Variants in TEX14 observed in about 807,000 individuals in gnomAD.
TEX14 encodes the protein testis expressed 14, intercellular bridge forming factor.
A neutral mutation model predicts 178.6 loss-of-function variants in TEX14; 168 were observed. The observed-to-expected ratio is 0.94, with a 90% CI of 0.83 to 1.07. TEX14 has a LOEUF of 1.07. TEX14 is among the 50% of genes least tolerant of loss of function. The pLI is 0.00. For missense variants in TEX14, 1,730 were observed against 1,753.6 expected (o/e 0.99, Z 0.24); for synonymous variants, 626 against 634.1 (o/e 0.99, Z 0.19).
intron 10 of TEX14, among the ~76,000 whole-genome samples, chr17:58,607,073 T>G (rs2045627203): frequency 6.6e-6 from 1 of 150,904 alleles, no homozygotes; most frequent in Admixed American, 6.6e-5. Context: ...GCTGTATCAC[T>G]TTTATACCAA....
chr17:58,661,605 G>A (rs1049207239), intron 1 of TEX14: 4 of 710,684 alleles, frequency 5.6e-6, no homozygotes, highest in African/African-American at 1.8e-5. Context: ...GCCATCTTGG[G>A]AAGGCTGATG....
chr17:58,628,904 C>A (rs924433086), intron 3 of TEX14, among the ~76,000 whole-genome samples: 1 of 150,780 alleles, frequency 6.6e-6, no homozygotes, highest in Non-Finnish European at 1.5e-5. Context: ...AAAAAAAGTA[C>A]AAAAGCTTCC....
chr17:58,615,238 T>C lies in TEX14; in HGVS notation c.875A>G (p.His292Arg). Residue 292 changes from histidine (H) to arginine (R), a missense_variant, in exon 8 of 32, where the codon CAC (histidine) becomes CGC (arginine). Transcript: ENST00000349033. ...LADLLIAEQE[H>R]SSKLRHPYLL... ...CCTTGGGCTTCCTTCTCACCTGCTG[T>C]GTTCCTGCTCGGCAATTAACAAGTC... 6.2e-7 allele frequency: 1 copy of C among 1,608,698 alleles called. No homozygotes were observed. The highest frequency in any genetic ancestry group is 1.1e-5 in the South Asian group (1 of 90,944).
At chr17:58,670,783 A>C (rs1215901603) in intron 1 of TEX14, among the ~76,000 whole-genome samples, 8 of 150,524 alleles carry the variant, frequency 5.3e-5, no homozygotes, top group Non-Finnish European at 1.0e-4. Context: ...AAAAAAAAAA[A>C]AAAAAAAAAA....
At chr17:58,682,720 C>G (rs2143567704) in intron 1 of TEX14, among the ~76,000 whole-genome samples, 1 of 152,340 alleles carries the variant, frequency 6.6e-6, no homozygotes, top group Admixed American at 6.5e-5. Context: ...TCACAAGTCC[C>G]AGTTTCAATG....
At chr17:58,670,729 C>T (rs1203218530) in intron 1 of TEX14, among the ~76,000 whole-genome samples, 4 of 129,134 alleles carry the variant, frequency 3.1e-5, no homozygotes, top group South Asian at 2.6e-4. Flanking sequence ...GTCAAGATTG[C>T]GCCACTACAC....
At chr17:58,615,372 A>C (rs2045849701) in intron 7 of TEX14, 27 bp from the exon 8 acceptor site, 10 of 1,415,726 alleles carry the variant, frequency 7.1e-6, no homozygotes, top group Non-Finnish European at 9.0e-6. Flanking sequence ...GAGTTTCAGC[A>C]GAAAGGAGTG....
chr17:58,644,692 G>C (rs1333874145), intron 2 of TEX14, among the ~76,000 whole-genome samples: 1 of 130,946 alleles, frequency 7.6e-6, no homozygotes, highest in Admixed American at 8.6e-5. Flanking sequence ...TTTTGCCCAG[G>C]CTAGAGTGGC....
chr17:58,674,568 G>A (rs562552926), intron 1 of TEX14, among the ~76,000 whole-genome samples: 14 of 151,540 alleles, frequency 9.2e-5, no homozygotes, highest in Admixed American at 2.6e-4. Flanking sequence ...TACTCGAGAC[G>A]GAGAGGCACA....
intron 2 of TEX14, among the ~76,000 whole-genome samples, chr17:58,647,535 GA>G (rs955041662): frequency 2.2e-5 from 3 of 136,280 alleles, no homozygotes; most frequent in Non-Finnish European, 4.7e-5. Flanking sequence ...CCGTCTCAAA[GA>G]AAAAAAAGTG....
chr17:58,652,726 A>C (rs2046865647), intron 1 of TEX14, among the ~76,000 whole-genome samples: 1 of 152,206 alleles, frequency 6.6e-6, no homozygotes, highest in African/African-American at 2.4e-5. Flanking sequence ...GATAACTTGG[A>C]GAGTATTGAC....
chr17:58,590,049 T>A (rs2144428982), intron 15 of TEX14, among the ~76,000 whole-genome samples: 1 of 151,768 alleles, frequency 6.6e-6, no homozygotes, highest in Non-Finnish European at 1.5e-5. Flanking sequence ...GATCACAAAG[T>A]CAAGAGATGG....
chr17:58,612,473 G>A (rs2045768566), intron 9 of TEX14, among the ~76,000 whole-genome samples: 1 of 152,030 alleles, frequency 6.6e-6, no homozygotes, highest in Non-Finnish European at 1.5e-5. Flanking sequence ...AGTGGCTCAA[G>A]CCTGAAATCC....
At chr17:58,661,771 G>A in intron 1 of TEX14, 1 of 534,628 alleles carries the variant, frequency 1.9e-6, no homozygotes, top group Non-Finnish European at 3.3e-6. Flanking sequence ...GTTGTGCCGG[G>A]TCTGAATCGC....
chr17:58,584,511 T>G lies in TEX14; in HGVS notation c.3160A>C (p.Lys1054Gln). The change falls in exon 19 of 32, where the codon AAA becomes CAA. Residue 1054 changes from lysine to glutamine, a missense_variant. Lys to Gln is a moderately conservative substitution (Grantham distance 53). Coordinates refer to ENST00000349033, the MANE Select transcript of TEX14 (RefSeq NM_031272.5). ...ASSDTLVAVE[K>Q]SYSTSSPIEE... ...GCAGTATTACTTACACTGTAAGATT[T>G]CTCTACAGCCACCAATGTGTCAGAA... is the stretch of plus-strand genomic sequence containing the variant. 6.2e-7 allele frequency: 1 copy of G among 1,613,672 alleles called. No homozygotes were observed. Among genetic ancestry groups the G allele is most frequent in the African/African-American group, 1.3e-5 (1 of 75,044 alleles).
chr17:58,602,716 T>A, intron 11 of TEX14, 126 bp from the exon 12 acceptor site: 1 of 668,586 alleles, frequency 1.5e-6, no homozygotes, highest in Non-Finnish European at 2.5e-6. Context: ...TTTTTTCTAA[T>A]CCACTGTACT....
At chr17:58,575,492 G>T (rs968488507) in intron 21 of TEX14, among the ~76,000 whole-genome samples, 1 of 152,168 alleles carries the variant, frequency 6.6e-6, no homozygotes, top group Non-Finnish European at 1.5e-5. Context: ...GGGTTGAGTT[G>T]TGACTTTATT....
rs531986697 is a variant in TEX14 at position 58,561,357 on chromosome 17, G to T, written c.4157+163C>A. Among the ~76,000 whole-genome samples, 3 of 152,336 alleles carry T rather than the reference G, an allele frequency of 2.0e-5. No individual in the cohort carries two copies. The East Asian group carries it at 5.8e-4, about 29-fold the overall frequency. On this transcript the variant is annotated intron_variant, in intron 29 of 31. Coordinates refer to ENST00000349033, the MANE Select transcript of TEX14 (RefSeq NM_031272.5). Reference sequence around the variant, plus strand: ...ATCAATATCTTGAGTACTGTGGGTGGTCAGAGGAAGAGGGGCAAATATGAG... The same window carrying T: ...ATCAATATCTTGAGTACTGTGGGTGTTCAGAGGAAGAGGGGCAAATATGAG...
At chr17:58,648,812 CAG>C (rs2046774682) in intron 2 of TEX14, among the ~76,000 whole-genome samples, 1 of 111,188 alleles carries the variant, frequency 9.0e-6, no homozygotes, top group Non-Finnish European at 1.7e-5. Context: ...TTTTTTGAGA[CAG>C]AGTCTCGCTC....
Sources: gnomAD v4.1 joint callset for allele counts (sites outside exome capture counted in the v4.1 genomes callset) on GRCh38, gnomAD v4.1.1 for gene constraint, MANE v1.5 for transcripts, NCBI Gene and HGNC (gene_info 2026-07-23, HGNC 2026-07-21) for gene names.